The following SMC5 variants were observed in gnomAD, a reference collection of about 807,000 sequenced individuals.
SMC5 encodes structural maintenance of chromosomes protein 5.
A neutral mutation model predicts 148.3 loss-of-function variants in SMC5; 88 were observed. The ratio of observed to expected loss-of-function variants is 0.59; its 90% confidence interval spans 0.50 to 0.71. The LOEUF is 0.71. SMC5 is among the 30% of genes least tolerant of loss of function. The pLI is 0.00. For synonymous variants in SMC5, 421 were observed against 432.8 expected (o/e 0.97, Z 0.34); for missense variants, 1,142 against 1,298.9 (o/e 0.88, Z 1.86).
chr9:70,287,779 A>T (rs1271814765), intron 8 of SMC5, among the ~76,000 whole-genome samples: 1 of 152,190 alleles, frequency 6.6e-6, no homozygotes, highest in Non-Finnish European at 1.5e-5. Context: ...GAATAATTGC[A>T]TTCTATGTGA....
intron 11 of SMC5, among the ~76,000 whole-genome samples, chr9:70,309,349 T>TG (rs1554695225): frequency 5.5e-4 from 62 of 112,734 alleles, no homozygotes; most frequent in South Asian, 1.8e-3. Context: ...TTTTTTTTTT[T>TG]GGGGACAGGG....
chr9:70,311,215 G>A (rs1271959292), intron 11 of SMC5: 1 of 152,072 alleles, frequency 6.6e-6, no homozygotes, highest in Non-Finnish European at 1.5e-5. Flanking sequence ...AAAAACCTGT[G>A]ACTCTTCTTT....
intron 15 of SMC5, among the ~76,000 whole-genome samples, chr9:70,319,472 T>C (rs1032959357): frequency 2.0e-5 from 3 of 152,190 alleles, no homozygotes; most frequent in Non-Finnish European, 4.4e-5. Flanking sequence ...GGTTTTTCCC[T>C]ACTTAATTCT....
intron 11 of SMC5, chr9:70,311,706 A>C (rs539658663): frequency 6.6e-6 from 1 of 152,194 alleles, no homozygotes; most frequent in South Asian, 2.1e-4. Context: ...CCAGCCAAAA[A>C]AAAAAAAAAA....
chr9:70,294,859 T>A (rs1244126055), intron 8 of SMC5, among the ~76,000 whole-genome samples: 2 of 152,234 alleles, frequency 1.3e-5, no homozygotes, highest in East Asian at 3.9e-4. Context: ...TGATGACAGA[T>A]ATAATGATGG....
intron 17 of SMC5, among the ~76,000 whole-genome samples, chr9:70,341,681 C>T (rs1240320917): frequency 6.6e-6 from 1 of 152,128 alleles, no homozygotes; most frequent in East Asian, 1.9e-4. Flanking sequence ...CCTGAGGGCC[C>T]GCTTAATAAT....
chr9:70,275,808 C>CT (rs2034577008), intron 3 of SMC5, among the ~76,000 whole-genome samples: 1 of 151,928 alleles, frequency 6.6e-6, no homozygotes, highest in Non-Finnish European at 1.5e-5. Context: ...GGTTTGGTGT[C>CT]TTTCATCAGT....
intron 18 of SMC5, among the ~76,000 whole-genome samples, chr9:70,344,962 GA>G (rs1235701954): frequency 6.6e-6 from 1 of 151,738 alleles, no homozygotes. Flanking sequence ...TAAACAACTG[GA>G]AAAAAATTAA....
chr9:70,259,738 G>C (rs1465654357), intron 1 of SMC5, among the ~76,000 whole-genome samples: 2 of 152,080 alleles, frequency 1.3e-5, no homozygotes, highest in African/African-American at 2.4e-5. Context: ...GGAGGTTACA[G>C]GTACAAAAAA....
intron 17 of SMC5, among the ~76,000 whole-genome samples, chr9:70,336,667 A>G (rs1433372240): frequency 1.3e-5 from 2 of 152,166 alleles, no homozygotes; most frequent in Non-Finnish European, 2.9e-5. Flanking sequence ...TCTATTGGTA[A>G]GTAATTGTAG....
intron 11 of SMC5, among the ~76,000 whole-genome samples, chr9:70,308,590 CAAAAAAAAAAA>C (rs59441324): frequency 0.016 from 1,140 of 72,322 alleles, 20 homozygotes; most frequent in African/African-American, 0.057. Context: ...GACTCTGTCT[CAAAAAAAAAAA>C]AAAAAAAAAA....
Position 70,259,164 on chromosome 9 carries a change from C to T in SMC5, c.86C>T (p.Pro29Leu). The T allele has an allele frequency of 6.2e-7, 1 of 1,611,828 alleles. No individual in the cohort carries two copies. The highest frequency in any genetic ancestry group is 8.5e-7 in the Non-Finnish European group (1 of 1,179,078). Residue 29 changes from proline (P) to leucine (L), a missense_variant, in exon 1 of 25, where the codon CCG becomes CTG. Pro to Leu is a moderately conservative substitution (Grantham distance 98). This residue lies in a region of SMC5 where 297 missense variants were observed against 302.6 expected (regional missense o/e 0.98). Transcript: ENST00000361138. Reference protein sequence around the residue: ...ALPRDPSSEVPSKRKNSAPQL... With the variant: ...ALPRDPSSEVLSKRKNSAPQL... Reference sequence around the variant, plus strand: ...CCGAGAGACCCTTCGTCGGAGGTCCCGAGCAAGAGGAAGAATTCGGCCCCG... The same window carrying T: ...CCGAGAGACCCTTCGTCGGAGGTCCTGAGCAAGAGGAAGAATTCGGCCCCG...
At chr9:70,349,641 G>T (rs1398473655) in intron 22 of SMC5, among the ~76,000 whole-genome samples, 1 of 152,068 alleles carries the variant, frequency 6.6e-6, no homozygotes, top group Non-Finnish European at 1.5e-5. Context: ...AAGTTAGGGG[G>T]ATTCTTGGCC....
intron 10 of SMC5, among the ~76,000 whole-genome samples, chr9:70,303,408 G>A (rs966089465): frequency 2.6e-5 from 4 of 151,936 alleles, no homozygotes; most frequent in Admixed American, 6.6e-5. Context: ...TCTTTTATTT[G>A]TATCATTTCT....
intron 3 of SMC5, among the ~76,000 whole-genome samples, chr9:70,275,720 TGTTA>T (rs767056801): frequency 9.2e-5 from 14 of 152,298 alleles, no homozygotes; most frequent in African/African-American, 1.4e-4. Context: ...TTTTTAAGTA[TGTTA>T]GTTTCATATA....
At chr9:70,290,558 T>C (rs545022677) in intron 8 of SMC5, among the ~76,000 whole-genome samples, 2 of 152,348 alleles carry the variant, frequency 1.3e-5, no homozygotes, top group East Asian at 3.9e-4. Flanking sequence ...TGTTATATTT[T>C]ACATTTATCT....
intron 1 of SMC5, among the ~76,000 whole-genome samples, chr9:70,260,687 G>A (rs763939047): frequency 1.3e-5 from 2 of 152,094 alleles, no homozygotes; most frequent in Non-Finnish European, 2.9e-5. Flanking sequence ...ACATATATCA[G>A]GATCCTTCAC....
chr9:70,330,224 T>C (rs2036184612), intron 17 of SMC5, among the ~76,000 whole-genome samples: 1 of 152,124 alleles, frequency 6.6e-6, no homozygotes, highest in Non-Finnish European at 1.5e-5. Flanking sequence ...GTGGATAAAT[T>C]TTTTTGTGCT....
intron 17 of SMC5, among the ~76,000 whole-genome samples, chr9:70,343,543 G>C (rs1288725331): frequency 3.9e-5 from 6 of 152,118 alleles, no homozygotes. Flanking sequence ...GACCGGGCCT[G>C]GTGGCTCACA....
Sources: allele counts gnomAD v4.1 joint callset (sites outside exome capture counted in the v4.1 genomes callset), GRCh38; gene constraint gnomAD v4.1.1; regional missense constraint gnomAD v4.1.1; transcripts MANE v1.5; gene names NCBI Gene and HGNC (gene_info 2026-07-23, HGNC 2026-07-21).